The following LRRC37A2 variants were observed in gnomAD, a reference collection of about 807,000 sequenced individuals.
LRRC37A2 encodes leucine-rich repeat-containing protein 37A2.
In LRRC37A2, 9 loss-of-function variants were observed where a neutral mutation model predicts 68.8. The observed-to-expected ratio is 0.13, with a 90% CI of 0.08 to 0.23. The LOEUF (loss-of-function observed/expected upper bound fraction) is 0.23. Among genes scored for constraint, LRRC37A2 ranks in the 10% least tolerant of loss-of-function variants. The probability of loss-of-function intolerance (pLI) is 1.00; values close to 1 mark genes in which losing one functional copy is unlikely to be tolerated. For missense variants in LRRC37A2, 168 were observed against 950.4 expected, an observed-to-expected ratio of 0.18 and a Z score of 10.82; for synonymous variants, 63 against 367.6, an observed-to-expected ratio of 0.17 and a Z score of 9.48.
the LRRC37A2 span, among the ~76,000 whole-genome samples, chr17:46,707,669 A>G: frequency 3.9e-5 from 6 of 152,184 alleles, no homozygotes; most frequent in Non-Finnish European, 8.8e-5. Context: ...TTGACGTAGC[A>G]TAATGTCCTC....
At chr17:46,833,766 C>A in the LRRC37A2 span, among the ~76,000 whole-genome samples, 2 of 152,182 alleles carry the variant, frequency 1.3e-5, no homozygotes, top group Non-Finnish European at 2.9e-5. Flanking sequence ...AAGAAGTGAG[C>A]CAGTCTGCCT....
At chr17:46,829,187 G>C in the LRRC37A2 span, among the ~76,000 whole-genome samples, 2 of 151,086 alleles carry the variant, frequency 1.3e-5, no homozygotes, top group African/African-American at 4.9e-5. Flanking sequence ...TTTTTTTTTA[G>C]ACAGAGTTTC....
chr17:46,877,634 C>G, the LRRC37A2 span, among the ~76,000 whole-genome samples: 2 of 152,304 alleles, frequency 1.3e-5, no homozygotes, highest in East Asian at 3.9e-4. Context: ...CTGGCAGTGA[C>G]GTGGCGAGCT....
chr17:46,416,375 T>A, the LRRC37A2 span, among the ~76,000 whole-genome samples: 1 of 19,700 alleles, frequency 5.1e-5, no homozygotes, highest in East Asian at 4.8e-4. Flanking sequence ...CAGCCTCGCC[T>A]CCCAGGTTCA....
chr17:46,902,727 A>G, the LRRC37A2 span, among the ~76,000 whole-genome samples: 1 of 152,130 alleles, frequency 6.6e-6, no homozygotes, highest in African/African-American at 2.4e-5. Context: ...TTGCCCACAG[A>G]TACCGTGAGT....
the LRRC37A2 span, among the ~76,000 whole-genome samples, chr17:46,787,207 C>T: frequency 6.7e-6 from 1 of 149,770 alleles, no homozygotes; most frequent in Admixed American, 6.8e-5. Flanking sequence ...TCCCCAAGTG[C>T]TGGGATTACA....
the LRRC37A2 span, among the ~76,000 whole-genome samples, chr17:46,499,338 T>TGG: frequency 4.1e-4 from 49 of 118,830 alleles, 1 homozygote; most frequent in South Asian, 7.9e-3. Flanking sequence ...AAAAAAAAGG[T>TGG]GGGGGGACAA....
chr17:46,799,634 G>A, the LRRC37A2 span, among the ~76,000 whole-genome samples: 1 of 152,064 alleles, frequency 6.6e-6, no homozygotes, highest in East Asian at 1.9e-4. Flanking sequence ...TTTTAGTAGA[G>A]ACAGAGTTTC....
the LRRC37A2 span, among the ~76,000 whole-genome samples, chr17:47,036,518 G>A: frequency 6.6e-6 from 1 of 152,026 alleles, no homozygotes; most frequent in Non-Finnish European, 1.5e-5. Context: ...TCTTATAATT[G>A]TGTGAGATGT....
the LRRC37A2 span, among the ~76,000 whole-genome samples, chr17:46,944,694 G>A: frequency 4.6e-5 from 7 of 151,904 alleles, no homozygotes; most frequent in African/African-American, 1.7e-4. Context: ...CTGCCTCCTG[G>A]GTTCAAGCGA....
the LRRC37A2 span, among the ~76,000 whole-genome samples, chr17:46,738,949 A>C: frequency 6.6e-6 from 1 of 152,128 alleles, no homozygotes; most frequent in South Asian, 2.1e-4. Flanking sequence ...TAAAAATACA[A>C]AAAAGTCCAG....
the LRRC37A2 span, among the ~76,000 whole-genome samples, chr17:46,955,255 C>G: frequency 6.6e-6 from 1 of 152,010 alleles, no homozygotes; most frequent in Non-Finnish European, 1.5e-5. Flanking sequence ...AAGGCCTTTT[C>G]TGCATCTATT....
the LRRC37A2 span, among the ~76,000 whole-genome samples, chr17:46,928,310 C>T: frequency 6.6e-6 from 1 of 152,154 alleles, no homozygotes; most frequent in Non-Finnish European, 1.5e-5. Context: ...AAGTTGGGTG[C>T]CTGGCTGGCA....
At chr17:46,708,585 A>G in the LRRC37A2 span, among the ~76,000 whole-genome samples, 1 of 135,520 alleles carries the variant, frequency 7.4e-6, no homozygotes, top group Non-Finnish European at 1.5e-5. Context: ...TCTGCCTCCC[A>G]GGTTTAAGTG....
chr17:46,785,445 A>T, the LRRC37A2 span, among the ~76,000 whole-genome samples: 1 of 152,186 alleles, frequency 6.6e-6, no homozygotes, highest in Non-Finnish European at 1.5e-5. Flanking sequence ...GCACACGGAG[A>T]AAAGATAACC....
At chr17:46,949,948 CCCT>C in the LRRC37A2 span, among the ~76,000 whole-genome samples, 1 of 152,204 alleles carries the variant, frequency 6.6e-6, no homozygotes, top group East Asian at 1.9e-4. Context: ...TTAGTCCCTG[CCCT>C]CCTCCAGTCC....
chr17:46,919,172 T>A, the LRRC37A2 span, among the ~76,000 whole-genome samples: 1 of 152,182 alleles, frequency 6.6e-6, no homozygotes, highest in South Asian at 2.1e-4. Context: ...ATCAGCTCAA[T>A]GAATCTATAA....
At chr17:46,879,707 G>T in the LRRC37A2 span, among the ~76,000 whole-genome samples, 1 of 152,154 alleles carries the variant, frequency 6.6e-6, no homozygotes, top group Non-Finnish European at 1.5e-5. Context: ...CAGGCACTAC[G>T]GGCTGACCTG....
the LRRC37A2 span, among the ~76,000 whole-genome samples, chr17:47,031,207 C>T: frequency 6.7e-6 from 1 of 148,768 alleles, no homozygotes; most frequent in Non-Finnish European, 1.5e-5. Context: ...AGGCCAAGAG[C>T]TTATTCGTGG....
Sources: gnomAD v4.1 joint callset for allele counts (sites outside exome capture counted in the v4.1 genomes callset) on GRCh38, gnomAD v4.1.1 for gene constraint, MANE v1.5 for transcripts, NCBI Gene and HGNC (gene_info 2026-07-23, HGNC 2026-07-21) for gene names.